DMD: variants seen among roughly 807,000 people sequenced by gnomAD.
DMD encodes dystrophin.
A neutral mutation model predicts 330.1 loss-of-function variants in DMD; 63 were observed. The observed-to-expected ratio is 0.19, with a 90% CI of 0.16 to 0.24. The LOEUF is 0.24. Ranked by LOEUF, DMD falls within the 10% of genes least tolerant of loss-of-function variation. DMD has a pLI of 1.00. For synonymous variants in DMD, 1,223 were observed against 959.8 expected (o/e 1.27, Z -5.07); for missense variants, 3,344 against 2,684.1 (o/e 1.25, Z -5.43).
At chrX:33,328,350 C>T (rs1408138222) in intron 1 of DMD, among the ~76,000 whole-genome samples, 5 of 110,119 alleles carry the variant, frequency 4.5e-5, no homozygotes, top group Middle Eastern at 4.2e-3. Flanking sequence ...ACTACAGGCA[C>T]GTGAGCCCAC....
chrX:32,962,926 C>G (rs1358650631), intron 2 of DMD, among the ~76,000 whole-genome samples: 1 of 110,761 alleles, frequency 9.0e-6, no homozygotes, highest in East Asian at 2.9e-4. Flanking sequence ...AAGAAAGAAA[C>G]AGTGATGATG....
chrX:32,565,291 C>G (rs149494505), intron 16 of DMD, among the ~76,000 whole-genome samples: 1,427 of 111,821 alleles, frequency 0.013, 26 homozygotes, highest in African/African-American at 0.042. Flanking sequence ...GTTCTCCTAC[C>G]ACTAACTTCT....
At chrX:32,363,010 C>A in intron 36 of DMD, 52 bp from the exon 37 acceptor site, 1 of 1,121,843 alleles carries the variant, frequency 8.9e-7, no homozygotes, top group Non-Finnish European at 1.2e-6. Context: ...TAATGAAGGT[C>A]AAGATAGAAA....
intron 17 of DMD, among the ~76,000 whole-genome samples, chrX:32,525,966 C>CT (rs1248295966): frequency 9.0e-6 from 1 of 111,631 alleles, no homozygotes; most frequent in East Asian, 2.8e-4. Context: ...TCTAATAATT[C>CT]TTTTTTCCCC....
At chrX:31,202,354 G>A (rs897761098) in intron 67 of DMD, among the ~76,000 whole-genome samples, 11 of 112,188 alleles carry the variant, frequency 9.8e-5, no homozygotes, top group African/African-American at 3.6e-4. Flanking sequence ...TTTGATGATT[G>A]ATTGGATTGA....
chrX:32,791,335 C>A (rs889832128), intron 7 of DMD, among the ~76,000 whole-genome samples: 6 of 111,777 alleles, frequency 5.4e-5, no homozygotes, highest in Admixed American at 2.8e-4. Flanking sequence ...CACCTATAAG[C>A]CAAAGGGTTA....
At chrX:31,366,360 C>G (rs2059228363) in intron 60 of DMD, among the ~76,000 whole-genome samples, 2 of 103,047 alleles carry the variant, frequency 1.9e-5, no homozygotes, top group African/African-American at 7.1e-5. Context: ...CCTCTAAGAC[C>G]CCAGAAAGTG....
chrX:32,541,884 C>G (rs1175747132), intron 17 of DMD, among the ~76,000 whole-genome samples: 1 of 111,348 alleles, frequency 9.0e-6, no homozygotes, highest in Non-Finnish European at 1.9e-5. Context: ...TCCATATTTG[C>G]TACTTCTCTA....
chrX:33,080,913 A>G (rs947237425), intron 1 of DMD, among the ~76,000 whole-genome samples: 4 of 110,750 alleles, frequency 3.6e-5, no homozygotes, highest in Admixed American at 9.7e-5. Context: ...TTTCTGACAA[A>G]ATATTTTTTT....
chrX:33,202,765 T>C (rs893348661), intron 1 of DMD, among the ~76,000 whole-genome samples: 1 of 112,060 alleles, frequency 8.9e-6, no homozygotes, highest in Admixed American at 9.5e-5. Flanking sequence ...ATTTGTACCA[T>C]GCTTTATAAC....
Position 32,463,532 on chromosome X carries a change from C to T in DMD, c.3339G>A (p.Gln1113=). ...PSLNSVNEGG[Q]KIKNEAEPEF... ...CTGGCTCTGCTTCATTCTTTATCTT[C>T]TGCCCACCTTCATTGACACTGTTTA... The change falls in exon 25 of 79, where the codon CAG becomes CAA. Residue 1113 remains glutamine (Q), a synonymous_variant. Coordinates refer to ENST00000357033, the MANE Select transcript of DMD (RefSeq NM_004006.3). 8.3e-7 allele frequency: 1 copy of T among 1,202,683 alleles called. No homozygotes were observed. Among genetic ancestry groups the T allele is most frequent in the Non-Finnish European group, 1.1e-6 (1 of 890,136 alleles).
At chrX:32,506,840 G>C (rs915367704) in intron 18 of DMD, among the ~76,000 whole-genome samples, 1 of 111,767 alleles carries the variant, frequency 8.9e-6, no homozygotes, top group Non-Finnish European at 1.9e-5. Context: ...CCAGGAACGT[G>C]CACAATCATG....
At chrX:32,266,878 T>G (rs1183046417) in intron 43 of DMD, among the ~76,000 whole-genome samples, 2 of 112,128 alleles carry the variant, frequency 1.8e-5, no homozygotes, top group East Asian at 5.6e-4. Context: ...ATGAAGCAGT[T>G]TGCACTGAGA....
intron 52 of DMD, among the ~76,000 whole-genome samples, chrX:31,694,140 G>A (rs745526377): frequency 9.0e-6 from 1 of 111,256 alleles, no homozygotes; most frequent in East Asian, 2.8e-4. Flanking sequence ...AAGGTAGCAA[G>A]AACACACAAT....
intron 67 of DMD, among the ~76,000 whole-genome samples, 197 bp from the exon 68 acceptor site, chrX:31,183,101 T>C (rs774527670): frequency 9.6e-6 from 1 of 104,418 alleles, no homozygotes; most frequent in East Asian, 3.0e-4. Context: ...TACCCACTCC[T>C]AAGGCTTTGG....
At chrX:31,912,071 C>T (rs7877412) in intron 47 of DMD, among the ~76,000 whole-genome samples, 8,354 of 111,087 alleles carry the variant, frequency 0.075, 761 homozygotes, top group African/African-American at 0.25. Context: ...AGTTCAGTGG[C>T]TGGACTGAGA....
intron 30 of DMD, among the ~76,000 whole-genome samples, chrX:32,403,506 C>T (rs2098099108): frequency 8.9e-6 from 1 of 111,747 alleles, no homozygotes; most frequent in Non-Finnish European, 1.9e-5. Context: ...ATATCTTTAT[C>T]ATATAGCCAG....
intron 9 of DMD, among the ~76,000 whole-genome samples, chrX:32,668,035 G>A (rs758558875): frequency 5.2e-4 from 57 of 110,305 alleles, no homozygotes; most frequent in Non-Finnish European, 4.2e-4. Context: ...TGTAATCCCA[G>A]CTACTAGTGA....
chrX:31,242,962 C>T (rs1239270064), intron 63 of DMD, among the ~76,000 whole-genome samples: 2 of 111,770 alleles, frequency 1.8e-5, no homozygotes, highest in Non-Finnish European at 3.8e-5. Flanking sequence ...ATCTCCTTCA[C>T]TCTCATAGGC....
Sources: allele counts gnomAD v4.1 joint callset (sites outside exome capture counted in the v4.1 genomes callset), GRCh38; gene constraint gnomAD v4.1.1; transcripts MANE v1.5; gene names NCBI Gene and HGNC (gene_info 2026-07-23, HGNC 2026-07-21).